NWD1: variants seen among roughly 807,000 people sequenced by gnomAD.
NWD1 encodes the protein NACHT domain- and WD repeat-containing protein 1.
Under a neutral mutation model 135.1 loss-of-function variants are expected in NWD1, and 129 were observed. That is an observed-to-expected ratio of 0.96 (90% CI 0.83 to 1.11). The LOEUF is 1.11. Among genes scored for constraint, NWD1 ranks in the 50% least tolerant of loss-of-function variants. The probability of loss-of-function intolerance (pLI) is 0.00; values close to 1 mark genes in which losing one functional copy is unlikely to be tolerated. For synonymous variants in NWD1, 773 were observed against 786.0 expected (o/e 0.98, Z 0.28); for missense variants, 1,740 against 1,851.3 (o/e 0.94, Z 1.10).
intron 8 of NWD1, among the ~76,000 whole-genome samples, 170 bp from the exon 9 acceptor site, chr19:16,763,658 T>C (rs1476957499): frequency 6.6e-6 from 1 of 152,184 alleles, no homozygotes; most frequent in Non-Finnish European, 1.5e-5. Flanking sequence ...GTCCCAGATG[T>C]CGTCCTCTGC....
At chr19:16,722,512 C>T (rs1017598647) in intron 1 of NWD1, among the ~76,000 whole-genome samples, 1 of 151,898 alleles carries the variant, frequency 6.6e-6, no homozygotes, top group Non-Finnish European at 1.5e-5. Flanking sequence ...TGGTCTCAAA[C>T]TCCTGACCTC....
chr19:16,747,497 C>G (rs1968375639), intron 5 of NWD1, among the ~76,000 whole-genome samples: 1 of 151,958 alleles, frequency 6.6e-6, no homozygotes, highest in Non-Finnish European at 1.5e-5. Context: ...CCACCTCAGC[C>G]TTCCCAGTAG....
intron 18 of NWD1, among the ~76,000 whole-genome samples, chr19:16,814,811 T>C (rs1971019706): frequency 6.6e-6 from 1 of 152,298 alleles, no homozygotes; most frequent in African/African-American, 2.4e-5. Context: ...GCATGATGCC[T>C]TTCAATCTTA....
At chr19:16,808,288 G>A (rs756345904) in intron 18 of NWD1, 152 bp downstream of exon 18, 6 of 696,632 alleles carry the variant, frequency 8.6e-6, no homozygotes, top group Admixed American at 2.8e-5. Flanking sequence ...AGTGGCTCAC[G>A]CCTGTAATCC....
At chr19:16,773,627 A>G (rs991560946) in intron 11 of NWD1, among the ~76,000 whole-genome samples, 4 of 152,200 alleles carry the variant, frequency 2.6e-5, no homozygotes, top group African/African-American at 9.7e-5. Context: ...AGCTCATGCT[A>G]GTAATTCTGA....
At chr19:16,806,432 A>G (rs544425710) in intron 17 of NWD1, among the ~76,000 whole-genome samples, 1 of 152,304 alleles carries the variant, frequency 6.6e-6, no homozygotes, top group Admixed American at 6.5e-5. Flanking sequence ...CCTTGCTTCA[A>G]GATGGGACAA....
chr19:16,810,965 A>G (rs1970907417), intron 18 of NWD1, among the ~76,000 whole-genome samples: 1 of 152,110 alleles, frequency 6.6e-6, no homozygotes, highest in Non-Finnish European at 1.5e-5. Flanking sequence ...TCCTGGGTTC[A>G]GGTGATTCTT....
At chr19:16,794,615 G>C in intron 15 of NWD1, 62 bp downstream of exon 15, 1 of 1,159,300 alleles carries the variant, frequency 8.6e-7, no homozygotes, top group South Asian at 1.3e-5. Flanking sequence ...TGGAGAAGGG[G>C]GTGGGGCTTG....
intron 4 of NWD1, among the ~76,000 whole-genome samples, chr19:16,739,051 C>T (rs1967973939): frequency 6.7e-6 from 1 of 150,342 alleles, no homozygotes; most frequent in South Asian, 2.1e-4. Flanking sequence ...TTTGGTGCCA[C>T]TCTGTTTTAT....
At chr19:16,802,488 A>G (rs1195483027) in intron 17 of NWD1, among the ~76,000 whole-genome samples, 3 of 145,788 alleles carry the variant, frequency 2.1e-5, no homozygotes, top group Non-Finnish European at 4.5e-5. Context: ...AAAAAAAAGG[A>G]AGCTAGCACT....
At chr19:16,810,331 G>A (rs924355757) in intron 18 of NWD1, among the ~76,000 whole-genome samples, 2 of 151,824 alleles carry the variant, frequency 1.3e-5, no homozygotes, top group African/African-American at 2.4e-5. Flanking sequence ...CCGGCTACCC[G>A]GGAGGCCGAG....
At chr19:16,730,919 T>C (rs1478796282) in intron 2 of NWD1, among the ~76,000 whole-genome samples, 1 of 148,562 alleles carries the variant, frequency 6.7e-6, no homozygotes, top group East Asian at 1.9e-4. Flanking sequence ...TTCTTTTTTT[T>C]TTTTTTTTTG....
chr19:16,775,313 C>T (rs1316695941), intron 11 of NWD1, among the ~76,000 whole-genome samples: 1 of 150,664 alleles, frequency 6.6e-6, no homozygotes, highest in East Asian at 1.9e-4. Flanking sequence ...AAAAAAATGG[C>T]CAAAATATCA....
In NWD1 at chr19:16,750,325, A is replaced by C; in HGVS notation, c.1683A>C (p.Glu561Asp). 1.2e-6 allele frequency: 2 copies of C among 1,613,328 alleles called. No homozygotes were observed. The highest frequency in any genetic ancestry group is 2.2e-5 in the East Asian group (1 of 44,878). The change falls in exon 6 of 19, where the codon GAA becomes GAC. Residue 561 changes from glutamate (E) to aspartate (D), a missense_variant. Physicochemically the swap from Glu to Asp is conservative, Grantham distance 45. Transcript: ENST00000524140. ...VPVPLATTAEEATHQLCTRLE... is the reference protein window; with the variant it reads ...VPVPLATTAEDATHQLCTRLE... ...TCCCGCTGGCCACCACCGCAGAGGA[A>C]GCCACGCACCAACTCTGCACCCGCC...
Position 16,789,159 on chromosome 19 carries a change from A to G in NWD1, c.2909A>G (p.His970Arg). 6.2e-7 allele frequency: 1 copy of G among 1,614,116 alleles called. No individual in the cohort carries two copies. The highest frequency in any genetic ancestry group is 1.3e-5 in the African/African-American group (1 of 75,052). The change falls in exon 13 of 19, where the codon CAC (histidine) becomes CGC (arginine). Residue 970 changes from histidine (H) to arginine (R), a missense_variant. His to Arg is a conservative substitution (Grantham distance 29, BLOSUM62 0). Coordinates refer to ENST00000524140, the MANE Select transcript of NWD1 (RefSeq NM_001007525.5). ...TGGAACCTTCATGTGGATGAGGCAC[A>G]CAAAGTTGTGTATTCAGCATCTGGC... ...QIWNLHVDEA[H>R]KVVYSASGSK...
At chr19:16,774,730 A>G (rs78805740) in intron 11 of NWD1, among the ~76,000 whole-genome samples, 3,068 of 151,396 alleles carry the variant, frequency 0.02, 98 homozygotes, top group African/African-American at 0.067. Context: ...TCATCCATTC[A>G]TTCATCCTTC....
intron 17 of NWD1, chr19:16,801,343 G>A (rs953778784): frequency 1.3e-5 from 2 of 152,340 alleles, no homozygotes; most frequent in African/African-American, 4.8e-5. Flanking sequence ...GGGGGCTAAG[G>A]TGGGAGGATC....
intron 12 of NWD1, among the ~76,000 whole-genome samples, chr19:16,787,616 T>G (rs1007612818): frequency 9.2e-5 from 14 of 151,538 alleles, no homozygotes; most frequent in Non-Finnish European, 2.1e-4. Context: ...TCCCAGCACT[T>G]TGGAAGGCCG....
chr19:16,773,361 C>T, intron 11 of NWD1, 38 bp downstream of exon 11: 4 of 1,566,994 alleles, frequency 2.6e-6, no homozygotes, highest in Non-Finnish European at 3.5e-6. Flanking sequence ...CCAGCAGGCA[C>T]CTGCTTGCCT....
Sources: gnomAD v4.1 joint callset for allele counts (sites outside exome capture counted in the v4.1 genomes callset) on GRCh38, gnomAD v4.1.1 for gene constraint, MANE v1.5 for transcripts, NCBI Gene and HGNC (gene_info 2026-07-23, HGNC 2026-07-21) for gene names.